The following MGAT4C variants were observed in gnomAD, a reference collection of about 807,000 sequenced individuals.
MGAT4C encodes MGAT4 family member C.
In MGAT4C, 19 loss-of-function variants were observed where a neutral mutation model predicts 40.1. The observed-to-expected ratio is 0.47, with a 90% confidence interval of 0.33 to 0.70. MGAT4C has a LOEUF of 0.70. Among genes scored for constraint, MGAT4C ranks in the 30% least tolerant of loss-of-function variants. The pLI is 0.02. For synonymous variants in MGAT4C, 181 were observed against 187.1 expected, an observed-to-expected ratio of 0.97 and a Z score of 0.27; for missense variants, 491 against 563.2, an observed-to-expected ratio of 0.87 and a Z score of 1.30.
At chr12:86,050,466 A>G (rs1362674414) in intron 1 of MGAT4C, among the ~76,000 whole-genome samples, 1 of 152,212 alleles carries the variant, frequency 6.6e-6, no homozygotes, top group East Asian at 1.9e-4. Flanking sequence ...TTTTCCCACT[A>G]TACATAAACA....
At chr12:86,313,659 G>C (rs1401133532) in intron 4 of MGAT4C, among the ~76,000 whole-genome samples, 1 of 152,128 alleles carries the variant, frequency 6.6e-6, no homozygotes, top group Non-Finnish European at 1.5e-5. Context: ...GCAATCAATA[G>C]AAAACAGTTG....
intron 4 of MGAT4C, among the ~76,000 whole-genome samples, chr12:86,281,886 A>G (rs1233713295): frequency 6.6e-6 from 1 of 152,104 alleles, no homozygotes; most frequent in Non-Finnish European, 1.5e-5. Flanking sequence ...TTCAACAATT[A>G]TATTTTCCCT....
chr12:86,240,853 C>T (rs1361042675), intron 1 of MGAT4C, among the ~76,000 whole-genome samples: 2 of 152,050 alleles, frequency 1.3e-5, no homozygotes, highest in Non-Finnish European at 2.9e-5. Context: ...GAAATGTTTG[C>T]CTTTTCACCC....
chr12:86,765,605 G>A (rs1057158894), intron 1 of MGAT4C, among the ~76,000 whole-genome samples: 1 of 152,086 alleles, frequency 6.6e-6, no homozygotes, highest in African/African-American at 2.4e-5. Flanking sequence ...AATGTAAAGG[G>A]CAGCCAGAGA....
intron 1 of MGAT4C, among the ~76,000 whole-genome samples, chr12:86,218,963 G>A (rs1441882987): frequency 6.6e-6 from 1 of 152,028 alleles, no homozygotes; most frequent in East Asian, 1.9e-4. Context: ...AATGGATCAC[G>A]AAGTCAAGAG....
At chr12:86,652,163 A>G (rs1466749269) in intron 2 of MGAT4C, among the ~76,000 whole-genome samples, 2 of 151,900 alleles carry the variant, frequency 1.3e-5, no homozygotes, top group African/African-American at 4.8e-5. Context: ...TGAAATAATC[A>G]TAATCATAAT....
rs188408774 is a variant in MGAT4C at position 86,353,017 on chromosome 12, T to C, written c.-119-18890A>G. Among the ~76,000 whole-genome samples the C allele has an allele frequency of 3.0e-3, 443 of 146,306 alleles. 2 individuals are homozygous for C. Among genetic ancestry groups the C allele is most frequent in the African/African-American group, 0.011 (424 of 40,124 alleles). The stretch of plus-strand genomic sequence containing the variant: ...ATGTACCCTAAAACTTAAAGTATAA[T>C]AATAATAAAATAAAAAAATAAATAA... On this transcript the variant is annotated intron_variant, in intron 3 of 7. Coordinates refer to the MGAT4C transcript ENST00000548651.
chr12:86,160,305 T>G (rs1304169801), intron 1 of MGAT4C, among the ~76,000 whole-genome samples: 3 of 152,110 alleles, frequency 2.0e-5, no homozygotes, highest in African/African-American at 4.8e-5. Context: ...CAGCAGTTAT[T>G]TAGGAGCAAG....
intron 2 of MGAT4C, among the ~76,000 whole-genome samples, chr12:86,636,800 T>C (rs771627018): frequency 3.3e-5 from 5 of 152,018 alleles, no homozygotes; most frequent in Admixed American, 6.6e-5. Context: ...GTTTTATATA[T>C]TTTAAAGAGT....
At chr12:86,832,302 A>T (rs1042759739) in intron 1 of MGAT4C, among the ~76,000 whole-genome samples, 4 of 151,844 alleles carry the variant, frequency 2.6e-5, no homozygotes, top group African/African-American at 9.7e-5. Flanking sequence ...TTCTCTACAT[A>T]ATATGAATTA....
chr12:86,509,003 T>C (rs926388387), intron 2 of MGAT4C, among the ~76,000 whole-genome samples: 22 of 152,226 alleles, frequency 1.4e-4, no homozygotes, highest in Non-Finnish European at 2.5e-4. Flanking sequence ...TCTCCCATTT[T>C]GTAGGTTGTC....
At chr12:86,028,341 C>T (rs1890427957) in intron 2 of MGAT4C, 4 of 367,034 alleles carry the variant, frequency 1.1e-5, no homozygotes, top group South Asian at 8.9e-5. Context: ...CTCATCATGG[C>T]AGGGCAAGTG....
At chr12:86,533,399 C>T (rs973219685) in intron 2 of MGAT4C, among the ~76,000 whole-genome samples, 1 of 151,902 alleles carries the variant, frequency 6.6e-6, no homozygotes, top group Admixed American at 6.6e-5. Flanking sequence ...TTGGATTGTT[C>T]AAAAGTTATT....
intron 2 of MGAT4C, among the ~76,000 whole-genome samples, chr12:86,038,172 T>C (rs987335044): frequency 3.3e-5 from 5 of 149,820 alleles, no homozygotes; most frequent in African/African-American, 1.2e-4. Context: ...TGGTTTAGCA[T>C]TTCCTTTGAA....
At chr12:86,243,478 T>C (rs1951876147) in intron 1 of MGAT4C, among the ~76,000 whole-genome samples, 1 of 152,138 alleles carries the variant, frequency 6.6e-6, no homozygotes. Context: ...AAGGCAAAGG[T>C]GATGGGTCGC....
chr12:86,281,585 T>C (rs1953221138), intron 4 of MGAT4C, among the ~76,000 whole-genome samples: 1 of 152,116 alleles, frequency 6.6e-6, no homozygotes, highest in Non-Finnish European at 1.5e-5. Flanking sequence ...GGTCACACTA[T>C]GTTGCCCAAG....
At chr12:86,587,014 T>TG (rs1462748367) in intron 2 of MGAT4C, among the ~76,000 whole-genome samples, 1 of 152,168 alleles carries the variant, frequency 6.6e-6, no homozygotes, top group Admixed American at 6.6e-5. Context: ...GTTTTAGTCA[T>TG]GAAGTCCTTG....
At chr12:86,219,229 G>A (rs1950787726) in intron 1 of MGAT4C, among the ~76,000 whole-genome samples, 1 of 152,084 alleles carries the variant, frequency 6.6e-6, no homozygotes, top group African/African-American at 2.4e-5. Context: ...AGTGTTGAGT[G>A]TGGACTCATG....
chr12:86,721,836 G>A (rs772348444), intron 2 of MGAT4C, among the ~76,000 whole-genome samples: 1 of 152,058 alleles, frequency 6.6e-6, no homozygotes, highest in Admixed American at 6.6e-5. Flanking sequence ...TATGTAGCAC[G>A]CCATGCTTCA....
Sources: gnomAD v4.1 joint callset for allele counts (sites outside exome capture counted in the v4.1 genomes callset) on GRCh38, gnomAD v4.1.1 for gene constraint, MANE v1.5 for transcripts, NCBI Gene and HGNC (gene_info 2026-07-23, HGNC 2026-07-21) for gene names.